Variants in REEP4 observed in about 807,000 individuals in gnomAD.
REEP4 encodes receptor expression-enhancing protein 4.
In REEP4, 17 loss-of-function variants were observed where a neutral mutation model predicts 33.5. The ratio of observed to expected loss-of-function variants is 0.51; its 90% CI spans 0.35 to 0.76. The LOEUF is 0.76. REEP4 is among the 30% of genes least tolerant of loss of function. REEP4 has a pLI of 0.01. For synonymous variants in REEP4, 157 were observed against 142.9 expected, an observed-to-expected ratio of 1.10 and a Z score of -0.70; for missense variants, 340 against 357.9, an observed-to-expected ratio of 0.95 and a Z score of 0.40.
At chr8:22,139,670 A>C in intron 4 of REEP4, 141 bp from the exon 5 acceptor site, 1 of 743,442 alleles carries the variant, frequency 1.3e-6, no homozygotes, top group Non-Finnish European at 2.2e-6. Context: ...TCCGGGCCAC[A>C]AACACAGACC....
rs1253849877 is a variant in REEP4, at chr8:22,141,513, C to T, written c.-31G>A. On this transcript the variant is annotated 5_prime_UTR_variant, in exon 1 of 8. Transcript: ENST00000306306. ...CGGCCTTTGGGACGTGGGGAGGACC[C>T]CAGGAAGCCGCTCAGAAGGACGTTC... 6.9e-6 allele frequency: 11 copies of T among 1,585,728 alleles called. No individual in the cohort carries two copies. The highest frequency in any genetic ancestry group is 9.4e-6 in the Non-Finnish European group (11 of 1,167,486).
rs200741920 is a variant in REEP4, at chr8:22,138,996, G to A, written c.483C>T (p.Asp161=). Residue 161 remains aspartate, a synonymous_variant, in exon 6 of 8, where the codon GAC becomes GAT. Coordinates refer to ENST00000306306, the MANE Select transcript of REEP4 (RefSeq NM_025232.4). The stretch of plus-strand genomic sequence containing the variant: ...GGTCATGGTAGGCAGGGGCAGGTGC[G>A]TCAGAGATGGAGCGCAGGTCCTGCA... ...FSMQDLRSIS[D]APAPAYHDPL... is the part of the protein sequence containing the mutation. 6.0e-5 allele frequency: 96 copies of A among 1,607,732 alleles called. No individual in the cohort carries two copies. The highest frequency in any genetic ancestry group is 2.0e-4 in the African/African-American group (15 of 74,880).
Position 22,141,515 on chromosome 8 carries a change from A to C in REEP4, c.-33T>G, listed in dbSNP as rs752900853. On this transcript the variant is annotated 5_prime_UTR_variant, in exon 1 of 8. Coordinates refer to ENST00000306306, the MANE Select transcript of REEP4 (RefSeq NM_025232.4). ...GCCTTTGGGACGTGGGGAGGACCCC[A>C]GGAAGCCGCTCAGAAGGACGTTCAC... The C allele has an allele frequency of 2.5e-6, 4 of 1,587,290 alleles. No homozygotes were observed. The highest frequency in any genetic ancestry group is 3.4e-6 in the Non-Finnish European group (4 of 1,167,988).
At chr8:22,139,886 C>A in intron 4 of REEP4, 77 bp downstream of exon 4, 1 of 1,522,322 alleles carries the variant, frequency 6.6e-7, no homozygotes, top group South Asian at 1.2e-5. Context: ...GTGTCCCCAG[C>A]ATCCTAAATC....
At chr8:22,140,986 T>C (rs1206734479) in intron 1 of REEP4, among the ~76,000 whole-genome samples, 1 of 152,198 alleles carries the variant, frequency 6.6e-6, no homozygotes, top group African/African-American at 2.4e-5. Context: ...TCCCCTCCCA[T>C]GGGCATGCAA....
chr8:22,141,303 T>C (rs1379215419), intron 1 of REEP4, 148 bp downstream of exon 1: 12 of 964,444 alleles, frequency 1.2e-5, no homozygotes, highest in Non-Finnish European at 1.8e-5. Context: ...AGACACCGCG[T>C]GCAAGCCCAC....
Position 22,141,465 on chromosome 8 carries a change from G to T in REEP4, c.18C>A (p.Ile6=). 6.2e-7 allele frequency: 1 copy of T among 1,600,398 alleles called. No homozygotes were observed. The part of the protein sequence containing the change: MVSWM[I]CRLVVLVFGM... The stretch of plus-strand genomic sequence containing the variant: ...GCCATACTCACACCACCAGGCGACA[G>T]ATCATCCAGGACACCATCTTGCCGG... Residue 6 remains isoleucine (I), a synonymous_variant, in exon 1 of 8, where the codon ATC becomes ATA. Transcript: ENST00000306306.
At chr8:22,140,495 C>G in intron 2 of REEP4, 130 bp downstream of exon 2, 1 of 884,974 alleles carries the variant, frequency 1.1e-6, no homozygotes, top group African/African-American at 1.7e-5. Flanking sequence ...TGAACAGGGC[C>G]CATTCTCTCT....
chr8:22,138,237 C>G lies in REEP4; in HGVS notation c.*250G>C. 1 of 647,738 alleles carries G rather than the reference C, an allele frequency of 1.5e-6. No individual in the cohort carries two copies. The highest frequency in any genetic ancestry group is 2.8e-6 in the Non-Finnish European group (1 of 356,642). The allele number at this position is 647,738 out of a possible 1,614,324, so 40.1% of individuals were successfully genotyped here. On this transcript the variant is annotated 3_prime_UTR_variant, in exon 8 of 8. Coordinates refer to ENST00000306306, the MANE Select transcript of REEP4 (RefSeq NM_025232.4). Reference sequence around the variant, plus strand: ...TCAGGGAGGGCTCTTGTCCCACAACCGGGGAAGGGAGAGGGCAGAGCAAGG... The same window carrying G: ...TCAGGGAGGGCTCTTGTCCCACAACGGGGGAAGGGAGAGGGCAGAGCAAGG...
At chr8:22,141,315 G>C in intron 1 of REEP4, 136 bp downstream of exon 1, 1 of 1,062,998 alleles carries the variant, frequency 9.4e-7, no homozygotes, top group South Asian at 1.6e-5. Flanking sequence ...CAAGCCCACA[G>C]GTCCGTTAAC....
chr8:22,139,066 G>C lies in REEP4; in HGVS notation c.418-5C>G, dbSNP rs760864136. The C allele has an allele frequency of 2.6e-6, 4 of 1,563,202 alleles. No individual in the cohort carries two copies. The highest frequency in any genetic ancestry group is 3.5e-6 in the Non-Finnish European group (4 of 1,155,998). On this transcript the variant is annotated splice_region_variant and splice_polypyrimidine_tract_variant and intron_variant, in intron 5 of 7. Coordinates refer to ENST00000306306, the MANE Select transcript of REEP4 (RefSeq NM_025232.4). ...GCCGGCCAGCGCCCCCTGACTCTGC[G>C]AGGGGGAAGAGGCTTCAGCGGGGAG...
chr8:22,139,811 T>C (rs942022170), intron 4 of REEP4, 152 bp downstream of exon 4: 17 of 933,372 alleles, frequency 1.8e-5, no homozygotes, highest in African/African-American at 8.3e-5. Flanking sequence ...TCCCAGAAGA[T>C]GAGGTAGGCT....
At position 22,141,662 on chromosome 8, in the gene REEP4, G is replaced by A; in HGVS notation, c.-180C>T. 2.0e-6 allele frequency: 1 copy of A among 505,886 alleles called. No individual in the cohort carries two copies. The highest frequency in any genetic ancestry group is 4.2e-5 in the South Asian group (1 of 23,840). The allele number at this position is 505,886 out of a possible 1,614,324, so 31.3% of individuals were successfully genotyped here. A position where few individuals can be genotyped will look rare whatever the true frequency, so the allele number is the denominator to read the frequency against. On this transcript the variant is annotated 5_prime_UTR_variant, in exon 1 of 8. Coordinates refer to ENST00000306306, the MANE Select transcript of REEP4 (RefSeq NM_025232.4). Reference sequence around the variant, plus strand: ...TCCGACTGTGCAGTTCAGGGGACCTGGAGAATGGGGAGACCCGAGGCAAAG... The same window carrying A: ...TCCGACTGTGCAGTTCAGGGGACCTAGAGAATGGGGAGACCCGAGGCAAAG...
At chr8:22,139,793 C>T (rs903691783) in intron 4 of REEP4, 170 bp downstream of exon 4, 8 of 864,662 alleles carry the variant, frequency 9.3e-6, no homozygotes, top group Non-Finnish European at 1.4e-5. Flanking sequence ...TGTACCCCCA[C>T]CTGATTATCC....
chr8:22,139,384 G>A (rs1421669966), intron 5 of REEP4, 32 bp downstream of exon 5: 2 of 1,549,522 alleles, frequency 1.3e-6, no homozygotes, highest in South Asian at 2.2e-5. Context: ...GGGTGGGATG[G>A]GGGCTGCTGG....
chr8:22,138,585 G>C (rs767186229), intron 7 of REEP4, 33 bp from the exon 8 acceptor site: 1 of 1,613,898 alleles, frequency 6.2e-7, no homozygotes, highest in Non-Finnish European at 8.5e-7. Context: ...ATGAGGGTGT[G>C]GGGAGCACCA....
At position 22,138,978 on chromosome 8, in the gene REEP4, G is replaced by T. The variant is rs1020297458; in HGVS notation, c.501C>A (p.Tyr167Ter). ...RSISDAPAPA[Y>*]HDPLYLEDQV... ...GGTCCTCCAGGTAGAGGGGGTCATG[G>T]TAGGCAGGGGCAGGTGCGTCAGAGA... is the stretch of plus-strand genomic sequence containing the variant. The change falls in exon 6 of 8, where the codon TAC (tyrosine) becomes TAA (stop). Residue 167 changes from tyrosine (Y) to a stop codon, truncating the protein, a stop_gained. Coordinates refer to ENST00000306306, the MANE Select transcript of REEP4 (RefSeq NM_025232.4). LOFTEE classifies it high-confidence loss of function. The T allele has an allele frequency of 6.2e-7, 1 of 1,609,000 alleles. No homozygotes were observed. Among genetic ancestry groups the T allele is most frequent in the Non-Finnish European group, 8.5e-7 (1 of 1,178,078 alleles).
Position 22,140,627 on chromosome 8 carries a change from A to G in REEP4, c.103T>C (p.Tyr35His). ...CACACCCAAACCCCCACGCTCACATATTCACGAATGTTCTTGGTCTTCACA... is the reference window on the plus strand; with the variant it reads ...CACACCCAAACCCCCACGCTCACATGTTCACGAATGTTCTTGGTCTTCACA... ...KAVKTKNIRE[Y>H]VRWMMYWIVF... Residue 35 changes from tyrosine to histidine, a missense_variant and splice_region_variant, in exon 2 of 8, where the codon TAT becomes CAT. Transcript: ENST00000306306. 1 of 1,613,518 alleles carries G rather than the reference A, an allele frequency of 6.2e-7. No individual in the cohort carries two copies. The highest frequency in any genetic ancestry group is 8.5e-7 in the Non-Finnish European group (1 of 1,179,650).
In REEP4 at chr8:22,140,195, G is replaced by C. The variant is rs146312249; in HGVS notation, c.159C>G (p.Ile53Met). The C allele has an allele frequency of 6.2e-7, 1 of 1,614,006 alleles. No individual in the cohort carries two copies. Among genetic ancestry groups the C allele is most frequent in the Admixed American group, 1.7e-5 (1 of 60,006 alleles). ...IVFALFMAAE[I>M]VTDIFISWFP... is the part of the protein sequence containing the mutation. ...ACCAGGAGATAAAAATGTCTGTAAC[G>C]ATCTCTGCTGCCATGAAGAGTGCAA... The change falls in exon 3 of 8, where the codon ATC becomes ATG. Residue 53 changes from isoleucine (I) to methionine (M), a missense_variant. Transcript: ENST00000306306.
Sources: allele counts gnomAD v4.1 joint callset (sites outside exome capture counted in the v4.1 genomes callset), GRCh38; gene constraint gnomAD v4.1.1; transcripts MANE v1.5; gene names NCBI Gene and HGNC (gene_info 2026-07-23, HGNC 2026-07-21).